The following DPYD variants were observed in gnomAD, a reference collection of about 807,000 sequenced individuals.
The protein encoded by DPYD is dihydropyrimidine dehydrogenase [NADP(+)].
A neutral mutation model predicts 116.2 loss-of-function variants in DPYD; 109 were observed. The ratio of observed to expected loss-of-function variants is 0.94; its 90% confidence interval spans 0.80 to 1.10. The LOEUF (loss-of-function observed/expected upper bound fraction) is 1.10. Ranked by LOEUF, DPYD falls within the 50% of genes least tolerant of loss-of-function variation. The pLI is 0.00. For synonymous variants in DPYD, 440 were observed against 432.0 expected, an observed-to-expected ratio of 1.02 and a Z score of -0.23; for missense variants, 1,302 against 1,254.5, an observed-to-expected ratio of 1.04 and a Z score of -0.57.
At chr1:97,379,902 T>A (rs1047730523) in intron 15 of DPYD, among the ~76,000 whole-genome samples, 1 of 152,192 alleles carries the variant, frequency 6.6e-6, no homozygotes, top group African/African-American at 2.4e-5. Context: ...CTATTCCCTG[T>A]CCCATATGAC....
rs769227856 is a variant in DPYD at position 97,082,453 on chromosome 1, T to C, written c.2784A>G (p.Ala928=). Reference sequence around the variant, plus strand: ...CACCAAATGTTCCAAGGTACTGCAGTGCTTTTCCTATTACATCCTAAAAAT... The same window carrying C: ...CACCAAATGTTCCAAGGTACTGCAGCGCTTTTCCTATTACATCCTAAAAAT... ...IPTIKDVIGK[A]LQYLGTFGEL... The change falls in exon 22 of 23, where the codon GCA becomes GCG. Residue 928 remains alanine (A), a synonymous_variant. Transcript: ENST00000370192. The C allele has an allele frequency of 5.0e-6, 8 of 1,613,440 alleles. No homozygotes were observed. In the South Asian group the frequency reaches 5.5e-5, roughly 11 times the overall value.
At chr1:97,620,664 A>G (rs892717640) in intron 8 of DPYD, among the ~76,000 whole-genome samples, 3 of 152,096 alleles carry the variant, frequency 2.0e-5, no homozygotes, top group Non-Finnish European at 4.4e-5. Flanking sequence ...AGGAATCCAC[A>G]TTTACCTTTT....
intron 11 of DPYD, among the ~76,000 whole-genome samples, chr1:97,553,840 T>A (rs1651496115): frequency 6.6e-6 from 1 of 152,132 alleles, no homozygotes; most frequent in African/African-American, 2.4e-5. Flanking sequence ...CAGTCTATAT[T>A]ATTCTGCAAT....
At chr1:97,604,873 T>C (rs1655486024) in intron 8 of DPYD, among the ~76,000 whole-genome samples, 1 of 152,050 alleles carries the variant, frequency 6.6e-6, no homozygotes, top group African/African-American at 2.4e-5. Context: ...TTGTCTGTGT[T>C]TTTTACAGAC....
chr1:97,328,285 T>C (rs1299250691), intron 16 of DPYD, among the ~76,000 whole-genome samples: 2 of 152,122 alleles, frequency 1.3e-5, no homozygotes, highest in African/African-American at 4.8e-5. Context: ...AATAAAACAG[T>C]AATGCTACTA....
At chr1:97,555,588 G>A (rs915394856) in intron 11 of DPYD, among the ~76,000 whole-genome samples, 2 of 151,934 alleles carry the variant, frequency 1.3e-5, no homozygotes, top group African/African-American at 4.8e-5. Flanking sequence ...CTATAGACTT[G>A]ACTCCTTTCT....
intron 20 of DPYD, among the ~76,000 whole-genome samples, chr1:97,099,710 T>A (rs1244046586): frequency 6.6e-6 from 1 of 152,096 alleles, no homozygotes; most frequent in East Asian, 1.9e-4. Flanking sequence ...GTCATCCTGA[T>A]CTCTGACCTA....
At chr1:97,437,772 T>C (rs1557711205) in intron 14 of DPYD, among the ~76,000 whole-genome samples, 1 of 151,994 alleles carries the variant, frequency 6.6e-6, no homozygotes, top group Non-Finnish European at 1.5e-5. Context: ...TTTCTCTCTT[T>C]CAAAGGCAGT....
At chr1:97,244,759 C>T (rs1406352324) in intron 18 of DPYD, among the ~76,000 whole-genome samples, 1 of 152,020 alleles carries the variant, frequency 6.6e-6, no homozygotes, top group Non-Finnish European at 1.5e-5. Flanking sequence ...TACTATCAAC[C>T]TTAAATGTAC....
intron 11 of DPYD, among the ~76,000 whole-genome samples, chr1:97,558,514 T>C (rs758853938): frequency 6.6e-6 from 1 of 152,172 alleles, no homozygotes; most frequent in Non-Finnish European, 1.5e-5. Context: ...AATGGGCACA[T>C]AGTGAATTTC....
chr1:97,783,776 C>T (rs866814488), intron 3 of DPYD, among the ~76,000 whole-genome samples: 1 of 152,176 alleles, frequency 6.6e-6, no homozygotes, highest in Admixed American at 6.5e-5. Context: ...GTTGCAGATT[C>T]GGAAGACAAC....
At chr1:97,422,607 C>T (rs1341187498) in intron 14 of DPYD, among the ~76,000 whole-genome samples, 1 of 152,104 alleles carries the variant, frequency 6.6e-6, no homozygotes, top group Non-Finnish European at 1.5e-5. Context: ...TCACATTGTA[C>T]AGGTCACAAC....
At chr1:97,239,454 T>A (rs899437028) in intron 18 of DPYD, among the ~76,000 whole-genome samples, 1 of 152,106 alleles carries the variant, frequency 6.6e-6, no homozygotes, top group Non-Finnish European at 1.5e-5. Context: ...CCACAAAATA[T>A]TTTTTAAGCA....
At chr1:97,898,675 C>A (rs575481327) in intron 1 of DPYD, among the ~76,000 whole-genome samples, 8 of 151,894 alleles carry the variant, frequency 5.3e-5, no homozygotes, top group African/African-American at 1.9e-4. Flanking sequence ...CCCAACCAAA[C>A]CCACCTTGAA....
intron 8 of DPYD, among the ~76,000 whole-genome samples, chr1:97,612,638 A>G: frequency 6.6e-6 from 1 of 152,114 alleles, no homozygotes; most frequent in East Asian, 1.9e-4. Flanking sequence ...ATGAAGTTAT[A>G]AGACATATAT....
intron 10 of DPYD, among the ~76,000 whole-genome samples, chr1:97,581,366 T>G: frequency 6.9e-6 from 1 of 145,062 alleles, no homozygotes; most frequent in African/African-American, 2.5e-5. Context: ...TTGGCCAAGT[T>G]AGGAATCTTT....
intron 20 of DPYD, among the ~76,000 whole-genome samples, chr1:97,123,891 C>A (rs936920086): frequency 1.3e-5 from 2 of 152,066 alleles, no homozygotes; most frequent in Non-Finnish European, 2.9e-5. Context: ...AGGTTCTGAG[C>A]CCTGCAGCAT....
At chr1:97,728,059 T>A (rs1006319756) in intron 4 of DPYD, among the ~76,000 whole-genome samples, 7 of 152,008 alleles carry the variant, frequency 4.6e-5, no homozygotes, top group Non-Finnish European at 7.4e-5. Flanking sequence ...GAGGAAAAAA[T>A]GTACAGAGCT....
intron 3 of DPYD, among the ~76,000 whole-genome samples, chr1:97,773,352 A>G (rs1209648107): frequency 6.6e-6 from 1 of 152,156 alleles, no homozygotes; most frequent in East Asian, 1.9e-4. Flanking sequence ...ATATTAGTAA[A>G]TAAGTTTAAT....
Sources: gnomAD v4.1 joint callset for allele counts (sites outside exome capture counted in the v4.1 genomes callset) on GRCh38, gnomAD v4.1.1 for gene constraint, MANE v1.5 for transcripts, NCBI Gene and HGNC (gene_info 2026-07-23, HGNC 2026-07-21) for gene names.